Variants in SCAF8 observed in about 807,000 individuals in gnomAD.
SCAF8 encodes SR-related and CTD-associated factor 8.
A neutral mutation model predicts 140.5 loss-of-function variants in SCAF8; 23 were observed. The observed-to-expected ratio is 0.16, with a 90% CI of 0.12 to 0.23. The LOEUF is 0.23. SCAF8 is among the 10% of genes least tolerant of loss of function. SCAF8 has a pLI of 1.00. For synonymous variants in SCAF8, 575 were observed against 528.9 expected (o/e 1.09, Z -1.20); for missense variants, 1,397 against 1,555.7 (o/e 0.90, Z 1.72).
At chr6:154,814,254 G>A (rs1778183003) in intron 12 of SCAF8, among the ~76,000 whole-genome samples, 4 of 152,176 alleles carry the variant, frequency 2.6e-5, no homozygotes, top group Admixed American at 2.0e-4. Flanking sequence ...GGAGGTGAAA[G>A]TTGCAGAGAG....
intron 3 of SCAF8, among the ~76,000 whole-genome samples, chr6:154,782,802 ATC>A (rs546264423): frequency 4.1e-4 from 62 of 152,146 alleles, no homozygotes; most frequent in Non-Finnish European, 8.1e-4. Flanking sequence ...GGCTAGGCCA[ATC>A]TCTCGTTTTC....
chr6:154,826,543 A>T (rs1294022797), intron 17 of SCAF8, among the ~76,000 whole-genome samples: 2 of 152,198 alleles, frequency 1.3e-5, no homozygotes, highest in Non-Finnish European at 2.9e-5. Context: ...TGGTAGCTTT[A>T]TATTTCAAAA....
chr6:154,824,476 C>T (rs1778506846), intron 17 of SCAF8, 98 bp downstream of exon 17: 1 of 1,093,778 alleles, frequency 9.1e-7, no homozygotes, highest in Non-Finnish European at 1.3e-6. Flanking sequence ...GGTTCTGAGA[C>T]CTTAGCATGC....
intron 11 of SCAF8, among the ~76,000 whole-genome samples, chr6:154,809,383 A>T (rs933220297): frequency 6.6e-6 from 1 of 152,106 alleles, no homozygotes; most frequent in Non-Finnish European, 1.5e-5. Flanking sequence ...TTCTTGTCAC[A>T]AAGTTCTTTA....
chr6:154,733,880 C>T lies in SCAF8; in HGVS notation c.-21C>T, dbSNP rs747127587. ...CCGCCGCCTCTTCCGCCGCCGGGCT[C>T]GGGGCCTCCGCAGCGACAACATGGA... On this transcript the variant is annotated 5_prime_UTR_variant, in exon 1 of 20. Transcript: ENST00000367178. 6.5e-7 allele frequency: 1 copy of T among 1,544,448 alleles called. No homozygotes were observed. The highest frequency in any genetic ancestry group is 8.7e-7 in the Non-Finnish European group (1 of 1,150,820).
intron 3 of SCAF8, among the ~76,000 whole-genome samples, chr6:154,785,332 C>T (rs1483335057): frequency 6.6e-6 from 1 of 152,106 alleles, no homozygotes; most frequent in Non-Finnish European, 1.5e-5. Context: ...TAATAAATAT[C>T]CTCATACAGC....
intron 3 of SCAF8, among the ~76,000 whole-genome samples, chr6:154,784,120 GATATATATATATATATATATATATATAT>G (rs72135986): frequency 6.6e-5 from 7 of 106,832 alleles, no homozygotes; most frequent in East Asian, 3.1e-4. Context: ...GGTGTCTTGA[GATATATATATATATATATATATATATAT>G]ATATATATAT....
intron 1 of SCAF8, among the ~76,000 whole-genome samples, chr6:154,754,394 T>C (rs1256013815): frequency 2.0e-5 from 3 of 152,192 alleles, no homozygotes; most frequent in Non-Finnish European, 4.4e-5. Flanking sequence ...GCTAGTGAAC[T>C]TTTTGTTTTG....
chr6:154,796,165 T>C (rs930091362), intron 6 of SCAF8, among the ~76,000 whole-genome samples: 1 of 152,194 alleles, frequency 6.6e-6, no homozygotes, highest in South Asian at 2.1e-4. Flanking sequence ...CTCATAGAAA[T>C]ACCTCATTTT....
intron 1 of SCAF8, among the ~76,000 whole-genome samples, chr6:154,753,394 G>C (rs1040416032): frequency 6.6e-6 from 1 of 152,170 alleles, no homozygotes; most frequent in Non-Finnish European, 1.5e-5. Flanking sequence ...TTGAACCTGG[G>C]AGGCGGAGGT....
intron 9 of SCAF8, among the ~76,000 whole-genome samples, chr6:154,806,333 C>T (rs1021171941): frequency 6.6e-6 from 1 of 152,080 alleles, no homozygotes; most frequent in Non-Finnish European, 1.5e-5. Context: ...GTAAACTGTT[C>T]AGAATAAAAG....
intron 15 of SCAF8, 142 bp downstream of exon 15, chr6:154,820,475 G>A: frequency 3.1e-6 from 2 of 641,602 alleles, no homozygotes; most frequent in Non-Finnish European, 5.3e-6. Context: ...CTATGCCCTA[G>A]TGTACATGCT....
intron 1 of SCAF8, among the ~76,000 whole-genome samples, chr6:154,759,028 G>A (rs1452542708): frequency 6.6e-6 from 1 of 152,122 alleles, no homozygotes; most frequent in Admixed American, 6.5e-5. Context: ...AATTACCTCA[G>A]CTCCCATGCA....
Position 154,765,436 on chromosome 6 carries a change from A to G in SCAF8, c.31-8553A>G, listed in dbSNP as rs568720481. Reference sequence around the variant, plus strand: ...TAAACTTGTACTCTAACCAATTTATAAAGAGCCATAAAACAGCTTAGTTAA... The same window carrying G: ...TAAACTTGTACTCTAACCAATTTATGAAGAGCCATAAAACAGCTTAGTTAA... On this transcript the variant is annotated intron_variant, in intron 1 of 19. Coordinates refer to ENST00000367178, the MANE Select transcript of SCAF8 (RefSeq NM_014892.5). Among the ~76,000 whole-genome samples, 12 of 152,360 alleles carry G rather than the reference A, an allele frequency of 7.9e-5. 1 individual carries two copies. Among genetic ancestry groups the G allele is most frequent in the African/African-American group, 2.9e-4 (12 of 41,582 alleles).
intron 1 of SCAF8, among the ~76,000 whole-genome samples, chr6:154,740,006 T>C (rs555365941): frequency 4.6e-5 from 7 of 152,370 alleles, no homozygotes; most frequent in African/African-American, 1.7e-4. Context: ...TTTATTTTCA[T>C]CTACCAGGGA....
At chr6:154,790,489 ATTTTTTTTTTTTTTTTTTTTTTTTTT>A (rs57095332) in intron 4 of SCAF8, among the ~76,000 whole-genome samples, 8 of 70,802 alleles carry the variant, frequency 1.1e-4, no homozygotes, top group Admixed American at 2.2e-4. Flanking sequence ...ATTTAACAGA[ATTTTTTTTTTTTTTTTTTTTTTTTTT>A]TTTTTTTTTT....
chr6:154,751,871 G>A (rs1488595784), intron 1 of SCAF8, among the ~76,000 whole-genome samples: 1 of 152,166 alleles, frequency 6.6e-6, no homozygotes, highest in Non-Finnish European at 1.5e-5. Flanking sequence ...AGAACAGGAT[G>A]CCACAGAAAA....
At chr6:154,752,518 A>C (rs925627202) in intron 1 of SCAF8, among the ~76,000 whole-genome samples, 5 of 152,160 alleles carry the variant, frequency 3.3e-5, no homozygotes, top group African/African-American at 1.2e-4. Context: ...AAGAGGCTGC[A>C]ACTGCGGAAC....
chr6:154,808,893 T>C, intron 11 of SCAF8, 95 bp downstream of exon 11: 1 of 813,342 alleles, frequency 1.2e-6, no homozygotes, highest in Non-Finnish European at 2.0e-6. Flanking sequence ...TTCCTTGGGA[T>C]GACATATTTT....
Sources: gnomAD v4.1 joint callset for allele counts (sites outside exome capture counted in the v4.1 genomes callset) on GRCh38, gnomAD v4.1.1 for gene constraint, MANE v1.5 for transcripts, NCBI Gene and HGNC (gene_info 2026-07-23, HGNC 2026-07-21) for gene names.